Variants in GINM1 observed in about 807,000 individuals in gnomAD.
GINM1 encodes glycoprotein integral membrane protein 1.
A neutral mutation model predicts 37.8 loss-of-function variants in GINM1; 29 were observed. The ratio of observed to expected loss-of-function variants is 0.77; its 90% CI spans 0.57 to 1.05. The LOEUF (loss-of-function observed/expected upper bound fraction) is 1.05, where lower values mean the gene tolerates loss of function less well. Ranked by LOEUF, GINM1 falls within the 50% of genes least tolerant of loss-of-function variation. The probability of loss-of-function intolerance (pLI) is 0.00; values close to 1 mark genes in which losing one functional copy is unlikely to be tolerated. For missense variants in GINM1, 377 were observed against 397.9 expected (o/e 0.95, Z 0.45); for synonymous variants, 143 against 146.2 (o/e 0.98, Z 0.16).
chr6:149,583,109 A>T (rs549169023), intron 7 of GINM1, among the ~76,000 whole-genome samples: 1 of 152,182 alleles, frequency 6.6e-6, no homozygotes, highest in Non-Finnish European at 1.5e-5. Flanking sequence ...CAGGTGGATC[A>T]TGAGGTCAAG....
Position 149,582,470 on chromosome 6 carries a change from A to G in GINM1, c.748A>G (p.Lys250Glu), listed in dbSNP as rs1284383626. 2.5e-6 allele frequency: 4 copies of G among 1,607,644 alleles called. No individual in the cohort carries two copies. The highest frequency in any genetic ancestry group is 3.4e-6 in the Non-Finnish European group (4 of 1,178,816). ...GTGTCAGTGGATGGAAAAGTTTAGA[A>G]AAGATCTGTGTAGGTTCTGGAGCAA... ...VMCQWMEKFR[K>E]DLCRFWSNVF... The change falls in exon 7 of 8, where the codon AAA becomes GAA. Residue 250 changes from lysine to glutamate, a missense_variant. By Grantham distance (56) the Lys-to-Glu change is moderately conservative. Coordinates refer to ENST00000367419, the MANE Select transcript of GINM1 (RefSeq NM_138785.5).
rs1260646884 is a variant in GINM1 at position 149,572,557 on chromosome 6, AC to A, written c.233del (p.Pro78LeufsTer2). 2.7e-5 allele frequency: 44 copies of A among 1,607,740 alleles called. No individual in the cohort carries two copies. Among genetic ancestry groups the A allele is most frequent in the Non-Finnish European group, 3.3e-5 (39 of 1,175,262 alleles). ...ESGQVYVNDL[P>X]VNSGVTRISC... ...GTGGACAGGTGTATGTAAATGACTT[AC>A]CTGTAAATAGTGGTGTAACCCGAAT... On this transcript the variant is annotated frameshift_variant, in exon 3 of 8. Coordinates refer to ENST00000367419, the MANE Select transcript of GINM1 (RefSeq NM_138785.5). LOFTEE classifies it high-confidence loss of function.
At chr6:149,588,801 G>A (rs1247016565) in intron 7 of GINM1, among the ~76,000 whole-genome samples, 1 of 151,234 alleles carries the variant, frequency 6.6e-6, no homozygotes, top group East Asian at 2.0e-4. Flanking sequence ...CTAATTTGTT[G>A]TTGTTGTTGT....
chr6:149,571,962 T>C (rs547823407), intron 1 of GINM1, among the ~76,000 whole-genome samples: 1 of 151,972 alleles, frequency 6.6e-6, no homozygotes, highest in South Asian at 2.1e-4. Context: ...ATGCCTGTAA[T>C]CCCAGCTACT....
intron 7 of GINM1, among the ~76,000 whole-genome samples, chr6:149,586,477 G>T (rs1033866053): frequency 6.6e-6 from 1 of 152,122 alleles, no homozygotes; most frequent in African/African-American, 2.4e-5. Flanking sequence ...GTTTGGAGGG[G>T]AAAAACTTTC....
In GINM1 at chr6:149,590,523, G is replaced by A. The variant is rs375677102; in HGVS notation, c.882-204G>A. 7.2e-5 allele frequency among the ~76,000 whole-genome samples: 11 copies of A among 152,202 alleles called. No individual in the cohort carries two copies. In the South Asian group the frequency reaches 1.9e-3, roughly 26 times the overall value. ...AAAATAGGAAATAATGAACTTCCTC[G>A]ATGCCTTTCTATTCTCTCAGCCAGT... is the stretch of plus-strand genomic sequence containing the variant. On this transcript the variant is annotated intron_variant, in intron 7 of 7. Transcript: ENST00000367419.
intron 1 of GINM1, among the ~76,000 whole-genome samples, chr6:149,570,195 T>A (rs1283485305): frequency 1.2e-4 from 12 of 97,524 alleles, no homozygotes; most frequent in African/African-American, 4.0e-4. Flanking sequence ...TATATATATA[T>A]ATAAAGTTCA....
Position 149,566,682 on chromosome 6 carries a change from G to T in GINM1, c.120+148G>T. The T allele has an allele frequency of 8.9e-7, 1 of 1,122,416 alleles. No individual in the cohort carries two copies. The highest frequency in any genetic ancestry group is 1.2e-6 in the Non-Finnish European group (1 of 844,446). The allele number at this position is 1,122,416 out of a possible 1,614,324, so 69.5% of individuals were successfully genotyped here. On this transcript the variant is annotated intron_variant, in intron 1 of 7. Transcript: ENST00000367419. The surrounding 1 kb of genome is among the most constrained non-coding windows in gnomAD (Gnocchi z 4.4). Reference sequence around the variant, plus strand: ...GGAGGTGTGGGGAGAAGCACCCCAGGAAATGGGGGCGGCGTGGGAGGCCGA... The same window carrying T: ...GGAGGTGTGGGGAGAAGCACCCCAGTAAATGGGGGCGGCGTGGGAGGCCGA...
At chr6:149,583,314 T>G (rs1490128502) in intron 7 of GINM1, among the ~76,000 whole-genome samples, 1 of 152,030 alleles carries the variant, frequency 6.6e-6, no homozygotes, top group Non-Finnish European at 1.5e-5. Flanking sequence ...AATACAAAAA[T>G]TAGCCAGCCG....
At chr6:149,584,379 GA>G (rs1301332183) in intron 7 of GINM1, 1 of 152,194 alleles carries the variant, frequency 6.6e-6, no homozygotes. Flanking sequence ...TATGTAACAG[GA>G]TTTTTGGAAA....
Position 149,566,609 on chromosome 6 carries a change from C to CT in GINM1, c.120+77dup. On this transcript the variant is annotated intron_variant, in intron 1 of 7. Transcript: ENST00000367419. The surrounding 1 kb of genome is among the most constrained non-coding windows in gnomAD (Gnocchi z 4.4). ...GAGGCCCGGGCTGTCCACAGTGACG[C>CT]TTCCCACATCCCACCGGCGGGCAGG... 7.3e-7 allele frequency: 1 copy of CT among 1,374,558 alleles called. No homozygotes were observed. Among genetic ancestry groups the CT allele is most frequent in the Non-Finnish European group, 9.4e-7 (1 of 1,061,910 alleles). The allele number at this position is 1,374,558 out of a possible 1,614,324, so 85.1% of individuals were successfully genotyped here.
chr6:149,584,049 C>T (rs1183913556), intron 7 of GINM1, among the ~76,000 whole-genome samples: 2 of 152,056 alleles, frequency 1.3e-5, no homozygotes, highest in African/African-American at 2.4e-5. Flanking sequence ...GATCTTGGCT[C>T]ACTGCAACCT....
intron 3 of GINM1, among the ~76,000 whole-genome samples, chr6:149,574,468 G>A (rs1269288278): frequency 1.3e-5 from 2 of 152,286 alleles, no homozygotes; most frequent in African/African-American, 4.8e-5. Context: ...TGTCCCAACT[G>A]TTCTGTGTTT....
At chr6:149,585,635 C>T (rs563096477) in intron 7 of GINM1, among the ~76,000 whole-genome samples, 32 of 151,944 alleles carry the variant, frequency 2.1e-4, no homozygotes, top group Middle Eastern at 3.4e-3. Context: ...CTCTGTCGCC[C>T]AGGCTGAAGT....
Position 149,591,168 on chromosome 6 carries a change from T to G in GINM1, c.*330T>G, listed in dbSNP as rs1778150057. 6.0e-6 allele frequency: 1 copy of G among 167,054 alleles called. No homozygotes were observed. Among genetic ancestry groups the G allele is most frequent in the South Asian group, 1.5e-4 (1 of 6,494 alleles). The allele number at this position is 167,054 out of a possible 1,614,324, so 10.3% of individuals were successfully genotyped here. A position where few individuals can be genotyped will look rare whatever the true frequency, so the allele number is the denominator to read the frequency against. On this transcript the variant is annotated 3_prime_UTR_variant, in exon 8 of 8. Transcript: ENST00000367419. ...TTAGCTGGGTGTGGCGGTGCACGCCTGTAGTCCCAGCTACTTGGGAGGCTG... is the reference window on the plus strand; with the variant it reads ...TTAGCTGGGTGTGGCGGTGCACGCCGGTAGTCCCAGCTACTTGGGAGGCTG...
Position 149,572,574 on chromosome 6 carries a change from T to C in GINM1, c.248T>C (p.Val83Ala), listed in dbSNP as rs541056398. Residue 83 changes from valine to alanine, a missense_variant, in exon 3 of 8, where the codon GTA becomes GCA. Val to Ala is a moderately conservative substitution (Grantham distance 64). Coordinates refer to ENST00000367419, the MANE Select transcript of GINM1 (RefSeq NM_138785.5). ...AATGACTTACCTGTAAATAGTGGTG[T>C]AACCCGAATAAGCTGTCAGACTTTG... ...YVNDLPVNSGVTRISCQTLIV... is the reference protein window; with the variant it reads ...YVNDLPVNSGATRISCQTLIV... 29 of 1,600,606 alleles carry C rather than the reference T, an allele frequency of 1.8e-5. No homozygotes were observed. The South Asian group carries it at 2.9e-4, about 16-fold the overall frequency.
intron 3 of GINM1, among the ~76,000 whole-genome samples, 178 bp from the exon 4 acceptor site, chr6:149,578,644 G>A (rs1056243946): frequency 1.3e-5 from 2 of 151,498 alleles, no homozygotes; most frequent in Admixed American, 6.6e-5. Flanking sequence ...ATAAAGATTT[G>A]TCAGATTGTC....
chr6:149,582,180 C>A, intron 6 of GINM1: 1 of 549,060 alleles, frequency 1.8e-6, no homozygotes, highest in Non-Finnish European at 3.5e-6. Context: ...AATAATTTTA[C>A]AGGCTATTAA....
intron 1 of GINM1, among the ~76,000 whole-genome samples, chr6:149,567,379 C>T (rs1777738390): frequency 6.6e-6 from 1 of 152,136 alleles, no homozygotes; most frequent in Admixed American, 6.5e-5. Flanking sequence ...TGTCGGTACA[C>T]CTCTTCCTAG....
Sources: allele counts gnomAD v4.1 joint callset (sites outside exome capture counted in the v4.1 genomes callset), GRCh38; gene constraint gnomAD v4.1.1; non-coding constraint Gnocchi (gnomAD v3.1); transcripts MANE v1.5; gene names NCBI Gene and HGNC (gene_info 2026-07-23, HGNC 2026-07-21).